P3H4: variants seen among roughly 807,000 people sequenced by gnomAD.
P3H4 encodes the protein endoplasmic reticulum protein SC65.
In P3H4, 47 loss-of-function variants were observed where a neutral mutation model predicts 52.9. The ratio of observed to expected loss-of-function variants is 0.89; its 90% CI spans 0.70 to 1.13. P3H4 has a LOEUF of 1.13. P3H4 is among the 50% of genes most tolerant of loss of function. The pLI is 0.00. For missense variants in P3H4, 585 were observed against 611.0 expected (o/e 0.96, Z 0.45); for synonymous variants, 256 against 267.9 (o/e 0.96, Z 0.44).
intron 6 of P3H4, among the ~76,000 whole-genome samples, chr17:41,806,143 C>G (rs540945253): frequency 6.6e-6 from 1 of 151,860 alleles, no homozygotes; most frequent in South Asian, 2.1e-4. Flanking sequence ...CGTGTGAACC[C>G]GGGAGGCAGA....
rs1360828632 is a variant in P3H4 at position 41,811,006 on chromosome 17, T to C, written c.644A>G (p.Tyr215Cys). The C allele has an allele frequency of 2.5e-6, 4 of 1,614,070 alleles. No individual in the cohort carries two copies. The highest frequency in any genetic ancestry group is 2.2e-5 in the East Asian group (1 of 44,866). The change falls in exon 3 of 8, where the codon TAC (tyrosine) becomes TGC (cysteine). Residue 215 changes from tyrosine (Y) to cysteine (C), a missense_variant. Transcript: ENST00000393928. This position sits in a 1 kb window ranked among gnomAD's most constrained non-coding sequence, Gnocchi z 4.8. The stretch of plus-strand genomic sequence containing the variant: ...GCTGCTGCGGAAATCCCCGCTGTTG[T>C]AGAGCTTCACAGCCCGGAGGAACAC... ...EAVFLRAVKLYNSGDFRSSTE... is the reference protein window; with the variant it reads ...EAVFLRAVKLCNSGDFRSSTE...
chr17:41,809,319 G>T (rs1356936965), intron 4 of P3H4, among the ~76,000 whole-genome samples: 9 of 152,252 alleles, frequency 5.9e-5, no homozygotes, highest in African/African-American at 2.2e-4. Context: ...TACTCAGGAG[G>T]CTAAGAGAAT....
chr17:41,807,094 T>C (rs1555614295), intron 5 of P3H4: 1 of 559,626 alleles, frequency 1.8e-6, no homozygotes, highest in Non-Finnish European at 3.2e-6. Flanking sequence ...CTCAATCGAT[T>C]AGCAATGTCT....
chr17:41,811,534 C>T lies in P3H4; in HGVS notation c.382G>A (p.Val128Met), dbSNP rs1167631147. ...AGCAGCTGCCGCGGCGGGTAGGGCA[C>T]CTGGAAGGCGGGCAGCGTCCGCTTG... The part of the protein sequence containing the change: ...RCKRTLPAFQ[V>M]PYPPRQLLRD... The change falls in exon 1 of 8, where the codon GTG (valine) becomes ATG (methionine). Residue 128 changes from valine (V) to methionine (M), a missense_variant. Val to Met is a conservative substitution (Grantham distance 21). Transcript: ENST00000393928. This position sits in a 1 kb window ranked among gnomAD's most constrained non-coding sequence, Gnocchi z 4.8. 3.1e-6 allele frequency: 5 copies of T among 1,611,148 alleles called. No individual in the cohort carries two copies. The highest frequency in any genetic ancestry group is 4.2e-6 in the Non-Finnish European group (5 of 1,179,364).
At chr17:41,804,042 C>T (rs2047646732) in intron 6 of P3H4, among the ~76,000 whole-genome samples, 1 of 151,566 alleles carries the variant, frequency 6.6e-6, no homozygotes, top group Admixed American at 6.6e-5. Flanking sequence ...AGCTCTGCCT[C>T]CTGGGTTCAC....
Position 41,811,488 on chromosome 17 carries a change from A to T in P3H4, c.428T>A (p.Leu143Gln). The T allele has an allele frequency of 6.2e-7, 1 of 1,612,120 alleles. No homozygotes were observed. The highest frequency in any genetic ancestry group is 1.1e-5 in the South Asian group (1 of 91,064). The change falls in exon 1 of 8, where the codon CTG becomes CAG. Residue 143 changes from leucine (L) to glutamine (Q), a missense_variant. Transcript: ENST00000393928. This position sits in a 1 kb window ranked among gnomAD's most constrained non-coding sequence, Gnocchi z 4.8. ...CGCGTAGTGCAGGTACTGGTAGGGCAGGCGGCTCTGGAAGTCACGCAGCAG... is the reference window on the plus strand; with the variant it reads ...CGCGTAGTGCAGGTACTGGTAGGGCTGGCGGCTCTGGAAGTCACGCAGCAG... ...RQLLRDFQSR[L>Q]PYQYLHYALF...
intron 4 of P3H4, 102 bp from the exon 5 acceptor site, chr17:41,808,106 A>ATTAGGTATTCTGGGAG: frequency 7.0e-7 from 1 of 1,434,352 alleles, no homozygotes; most frequent in Non-Finnish European, 9.4e-7. Context: ...GCCACCTCCC[A>ATTAGGTATTCTGGGAG]GAATACCTAA....
chr17:41,808,534 C>T (rs1181985906), intron 4 of P3H4, among the ~76,000 whole-genome samples: 4 of 152,004 alleles, frequency 2.6e-5, no homozygotes, highest in Admixed American at 6.6e-5. Context: ...ACTACAGGCA[C>T]GCGCCACCAT....
intron 6 of P3H4, among the ~76,000 whole-genome samples, chr17:41,805,290 A>AAAACAAAC (rs148476559): frequency 9.2e-5 from 8 of 87,178 alleles, no homozygotes; most frequent in East Asian, 7.8e-4. Flanking sequence ...CTCTGTCTCA[A>AAAACAAAC]AAACAAACAA....
In P3H4 at chr17:41,802,711, C is replaced by A; in HGVS notation, c.*246G>T. 2.4e-6 allele frequency: 1 copy of A among 424,206 alleles called. No individual in the cohort carries two copies. Among genetic ancestry groups the A allele is most frequent in the Non-Finnish European group, 4.2e-6 (1 of 240,760 alleles). The allele number at this position is 424,206 out of a possible 1,614,324, so 26.3% of individuals were successfully genotyped here. On this transcript the variant is annotated 3_prime_UTR_variant, in exon 8 of 8. Coordinates refer to ENST00000393928, the MANE Select transcript of P3H4 (RefSeq NM_006455.3). The stretch of plus-strand genomic sequence containing the variant: ...GGATTTCAGGCGCCTGCCACCACAC[C>A]CGGCTAATTTATGTATTTTAGTAGA...
chr17:41,803,029 A>G lies in P3H4; in HGVS notation c.1292-50T>C, dbSNP rs1174607925. Reference sequence around the variant, plus strand: ...GGGGTTGCTCCCCCACCCACTCCCAATGGGTGTCCAGGTGCTGTCCTGATG... The same window carrying G: ...GGGGTTGCTCCCCCACCCACTCCCAGTGGGTGTCCAGGTGCTGTCCTGATG... On this transcript the variant is annotated intron_variant, in intron 7 of 7. Coordinates refer to ENST00000393928, the MANE Select transcript of P3H4 (RefSeq NM_006455.3). The G allele has an allele frequency of 1.1e-5, 18 of 1,591,292 alleles. No homozygotes were observed. The African/African-American group carries it at 1.2e-4, about 11-fold the overall frequency.
In P3H4 at chr17:41,811,821, T is replaced by C; in HGVS notation, c.95A>G (p.Asp32Gly). The C allele has an allele frequency of 6.5e-7, 1 of 1,538,806 alleles. No homozygotes were observed. Among genetic ancestry groups the C allele is most frequent in the Non-Finnish European group, 8.7e-7 (1 of 1,154,086 alleles). Reference sequence around the variant, plus strand: ...GTACGCCGCGGCCAGCGGCATCAGGTCCTCGGGCGGGAAGCCCCGGAAGCT... The same window carrying C: ...GTACGCCGCGGCCAGCGGCATCAGGCCCTCGGGCGGGAAGCCCCGGAAGCT... ...KYSFRGFPPE[D>G]LMPLAAAYGH... The change falls in exon 1 of 8, where the codon GAC becomes GGC. Residue 32 changes from aspartate to glycine, a missense_variant. Physicochemically the swap from Asp to Gly is moderately conservative, Grantham distance 94 (BLOSUM62 -1). Transcript: ENST00000393928. The surrounding 1 kb of genome is among the most constrained non-coding windows in gnomAD (Gnocchi z 4.8).
At chr17:41,807,197 G>A (rs1158518400) in intron 5 of P3H4, 4 of 388,490 alleles carry the variant, frequency 1.0e-5, no homozygotes, top group East Asian at 1.1e-4. Context: ...TGGTTACCTA[G>A]GGTGTTCCTG....
Position 41,802,706 on chromosome 17 carries a change from CACACCCGGCTA to C in P3H4, c.*240_*250del, listed in dbSNP as rs1163372729. On this transcript the variant is annotated 3_prime_UTR_variant, in exon 8 of 8. Coordinates refer to ENST00000393928, the MANE Select transcript of P3H4 (RefSeq NM_006455.3). ...AGCTGGGATTTCAGGCGCCTGCCACCACACCCGGCTAATTTATGTATTTTAGTAGAGACGGA... is the reference window on the plus strand; with the variant it reads ...AGCTGGGATTTCAGGCGCCTGCCACCATTTATGTATTTTAGTAGAGACGGA... The C allele has an allele frequency of 2.4e-6, 1 of 418,794 alleles. No individual in the cohort carries two copies. The highest frequency in any genetic ancestry group is 4.2e-6 in the Non-Finnish European group (1 of 237,192). 25.9% of individuals were successfully genotyped at this position (418,794 alleles called of 1,614,324 possible).
At chr17:41,803,100 C>A (rs2072968680) in intron 7 of P3H4, 121 bp from the exon 8 acceptor site, 1 of 1,434,780 alleles carries the variant, frequency 7.0e-7, no homozygotes, top group Non-Finnish European at 9.5e-7. Flanking sequence ...CTGGTCCCAG[C>A]TCCAGGGGAG....
chr17:41,803,099 G>T, intron 7 of P3H4, 120 bp from the exon 8 acceptor site: 2 of 1,433,334 alleles, frequency 1.4e-6, no homozygotes, highest in African/African-American at 1.4e-5. Flanking sequence ...GCTGGTCCCA[G>T]CTCCAGGGGA....
chr17:41,802,992 GGA>G lies in P3H4; in HGVS notation c.1292-15_1292-14del, dbSNP rs781784579. On this transcript the variant is annotated splice_polypyrimidine_tract_variant and intron_variant, in intron 7 of 7. Transcript: ENST00000393928. ...TCAGGCTCTGGCTCTGAAAAGGAAA[GGA>G]GAAAGCACTGGGGTTGCTCCCCCAC... The G allele has an allele frequency of 6.2e-7, 1 of 1,610,550 alleles. No homozygotes were observed. The highest frequency in any genetic ancestry group is 8.5e-7 in the Non-Finnish European group (1 of 1,178,772).
At position 41,809,792 on chromosome 17, in the gene P3H4, G is replaced by T. The variant is rs538541786; in HGVS notation, c.830C>A (p.Ala277Asp). 6.2e-7 allele frequency: 1 copy of T among 1,613,890 alleles called. No individual in the cohort carries two copies. Among genetic ancestry groups the T allele is most frequent in the Admixed American group, 1.7e-5 (1 of 59,982 alleles). ...ESLQCKVDCE[A>D]NLTPNVGGYF... ...GCCACCCACATTGGGGGTCAAATTGGCCTCACAGTCCACCTTGCACTGCAG... is the reference window on the plus strand; with the variant it reads ...GCCACCCACATTGGGGGTCAAATTGTCCTCACAGTCCACCTTGCACTGCAG... The change falls in exon 4 of 8, where the codon GCC becomes GAC. Residue 277 changes from alanine (A) to aspartate (D), a missense_variant. Transcript: ENST00000393928.
In P3H4 at chr17:41,811,374, G is replaced by A; in HGVS notation, c.462+80C>T. On this transcript the variant is annotated intron_variant, in intron 1 of 7. Transcript: ENST00000393928. This position sits in a 1 kb window ranked among gnomAD's most constrained non-coding sequence, Gnocchi z 4.8. ...CGGCGGGCTTCGTGCCTTGGGTGAA[G>A]ATAACGCTCCTTCGACCGATCTGTG... The A allele has an allele frequency of 1.2e-6, 2 of 1,606,378 alleles. No homozygotes were observed. Among genetic ancestry groups the A allele is most frequent in the Non-Finnish European group, 1.7e-6 (2 of 1,175,262 alleles).
Sources: gnomAD v4.1 joint callset for allele counts (sites outside exome capture counted in the v4.1 genomes callset) on GRCh38, gnomAD v4.1.1 for gene constraint, Gnocchi (gnomAD v3.1) non-coding constraint, MANE v1.5 for transcripts, NCBI Gene and HGNC (gene_info 2026-07-23, HGNC 2026-07-21) for gene names.